Variants in TRUB1 observed in about 807,000 individuals in gnomAD.
TRUB1 encodes the protein pseudouridylate synthase TRUB1.
TRUB1 carries 23 observed loss-of-function variants against 33.9 expected under a neutral mutation model. That is an observed-to-expected ratio of 0.68 (90% CI 0.49 to 0.96). The LOEUF (loss-of-function observed/expected upper bound fraction) is 0.96. Ranked by LOEUF, TRUB1 falls within the 40% of genes least tolerant of loss-of-function variation. The pLI, the probability that TRUB1 is intolerant of heterozygous loss-of-function variation, is 0.00. For synonymous variants in TRUB1, 163 were observed against 165.4 expected, an observed-to-expected ratio of 0.99 and a Z score of 0.11; for missense variants, 378 against 422.2, an observed-to-expected ratio of 0.90 and a Z score of 0.92.
chr10:114,962,992 G>A (rs562514726), intron 4 of TRUB1, among the ~76,000 whole-genome samples: 4 of 152,292 alleles, frequency 2.6e-5, no homozygotes, highest in African/African-American at 7.2e-5. Context: ...ACTATTGCCA[G>A]TGTCTCTGAG....
chr10:114,942,575 C>G (rs1478365623), intron 1 of TRUB1, 70 bp from the exon 2 acceptor site: 12 of 1,068,432 alleles, frequency 1.1e-5, no homozygotes, highest in Middle Eastern at 2.0e-4. Flanking sequence ...CCCTTTTCCT[C>G]CCAAGTTTAT....
At chr10:114,947,447 AT>A (rs1457742249) in intron 2 of TRUB1, among the ~76,000 whole-genome samples, 1 of 152,192 alleles carries the variant, frequency 6.6e-6, no homozygotes, top group African/African-American at 2.4e-5. Context: ...TTTCAAAAAA[AT>A]TTTTTTAACT....
chr10:114,960,999 G>T lies in TRUB1; in HGVS notation c.523+1192G>T, dbSNP rs190162956. Among the ~76,000 whole-genome samples, 7 of 152,212 alleles carry T rather than the reference G, an allele frequency of 4.6e-5. No individual in the cohort carries two copies. The East Asian group carries it at 1.4e-3, about 29-fold the overall frequency. ...AATATAATTAAGGCTGGGGGGTGTG[G>T]GTACCACGTGGTGAAAAATATAAGG... On this transcript the variant is annotated intron_variant, in intron 4 of 7. Coordinates refer to ENST00000298746, the MANE Select transcript of TRUB1 (RefSeq NM_139169.5).
chr10:114,942,893 T>C (rs2084195047), intron 2 of TRUB1, 150 bp downstream of exon 2: 1 of 571,846 alleles, frequency 1.7e-6, no homozygotes, highest in Non-Finnish European at 3.1e-6. Context: ...TGCCATCTTT[T>C]AAAGAAGCCC....
At position 114,938,221 on chromosome 10, in the gene TRUB1, C is replaced by T. The variant is rs770463703; in HGVS notation, c.-33C>T. The T allele has an allele frequency of 7.5e-6, 12 of 1,605,848 alleles. No homozygotes were observed. The South Asian group carries it at 1.3e-4, about 18-fold the overall frequency. ...CTCTTGTTGCATCATCAGCGTGCAC[C>T]TCCACGATGAAACAGGTCTGGGCTA... On this transcript the variant is annotated 5_prime_UTR_variant, in exon 1 of 8. Transcript: ENST00000298746.
At chr10:114,944,940 G>C (rs1564697350) in intron 2 of TRUB1, among the ~76,000 whole-genome samples, 1 of 152,158 alleles carries the variant, frequency 6.6e-6, no homozygotes, top group Non-Finnish European at 1.5e-5. Flanking sequence ...ATCTGTGATT[G>C]CACCACTGCA....
intron 4 of TRUB1, among the ~76,000 whole-genome samples, chr10:114,963,708 A>G (rs1048968587): frequency 6.6e-6 from 1 of 152,222 alleles, no homozygotes; most frequent in African/African-American, 2.4e-5. Context: ...TTTAGTATAA[A>G]TGGAATTAAA....
At position 114,975,320 on chromosome 10, in the gene TRUB1, T is replaced by C; in HGVS notation, c.991T>C (p.Cys331Arg). 1 of 1,612,340 alleles carries C rather than the reference T, an allele frequency of 6.2e-7. No individual in the cohort carries two copies. Among genetic ancestry groups the C allele is most frequent in the Non-Finnish European group, 8.5e-7 (1 of 1,179,096 alleles). The change falls in exon 8 of 8, where the codon TGT (cysteine) becomes CGT (arginine). Residue 331 changes from cysteine to arginine, a missense_variant. Transcript: ENST00000298746. Reference protein sequence around the residue: ...KPESNEQVLSCEYITLNEPKR... With the variant: ...KPESNEQVLSREYITLNEPKR... ...TGAGTCTAATGAACAGGTTTTGAGC[T>C]GTGAATATATAACTCTAAATGAGCC...
intron 4 of TRUB1, among the ~76,000 whole-genome samples, chr10:114,961,354 T>C (rs2084284569): frequency 6.6e-6 from 1 of 152,160 alleles, no homozygotes. Flanking sequence ...TTTAGTTGAT[T>C]GGACAGGATA....
intron 4 of TRUB1, among the ~76,000 whole-genome samples, chr10:114,966,344 G>A (rs1452776080): frequency 1.3e-5 from 2 of 152,138 alleles, no homozygotes; most frequent in Admixed American, 6.5e-5. Flanking sequence ...TTCCATTGAT[G>A]TATTTATTTT....
rs373470450 is a variant in TRUB1, at chr10:114,970,586, G to C, written c.596+146G>C. ...GTGCCAAATGTTAAAGTGAAGGTGA[G>C]ACAGGATGTGGAGCTTTTGACACTC... On this transcript the variant is annotated intron_variant, in intron 5 of 7. Coordinates refer to ENST00000298746, the MANE Select transcript of TRUB1 (RefSeq NM_139169.5). The C allele has an allele frequency of 4.4e-4, 290 of 658,194 alleles. No homozygotes were observed. The African/African-American group carries it at 4.9e-3, about 11-fold the overall frequency. The allele number at this position is 658,194 out of a possible 1,614,324, so 40.8% of individuals were successfully genotyped here.
chr10:114,963,320 T>G (rs1027929863), intron 4 of TRUB1, among the ~76,000 whole-genome samples: 1 of 152,238 alleles, frequency 6.6e-6, no homozygotes, highest in Non-Finnish European at 1.5e-5. Context: ...CTGCTGAGAC[T>G]TATCCTGGAG....
At chr10:114,972,832 T>A in intron 6 of TRUB1, among the ~76,000 whole-genome samples, 1 of 152,210 alleles carries the variant, frequency 6.6e-6, no homozygotes, top group East Asian at 1.9e-4. Flanking sequence ...ACATTTTTAA[T>A]TCAAGTTATG....
chr10:114,961,145 G>T (rs1010705676), intron 4 of TRUB1, among the ~76,000 whole-genome samples: 2 of 152,006 alleles, frequency 1.3e-5, no homozygotes, highest in African/African-American at 4.8e-5. Context: ...TGACAATAAT[G>T]ATAGCAACCT....
At chr10:114,972,064 C>T (rs2084339077) in intron 5 of TRUB1, 71 bp from the exon 6 acceptor site, 1 of 1,547,630 alleles carries the variant, frequency 6.5e-7, no homozygotes, top group Non-Finnish European at 8.8e-7. Flanking sequence ...ATTATCATCT[C>T]CCAATCCTTC....
chr10:114,968,111 T>A (rs1487619495), intron 4 of TRUB1, among the ~76,000 whole-genome samples: 1 of 152,082 alleles, frequency 6.6e-6, no homozygotes, highest in Non-Finnish European at 1.5e-5. Context: ...AAATCAAATA[T>A]GTAGAAAGAA....
At chr10:114,960,961 G>A (rs2084282692) in intron 4 of TRUB1, among the ~76,000 whole-genome samples, 1 of 152,098 alleles carries the variant, frequency 6.6e-6, no homozygotes, top group Non-Finnish European at 1.5e-5. Flanking sequence ...ATTCAGAACA[G>A]TAGTCCTGGG....
At chr10:114,943,862 ACT>A (rs143517322) in intron 2 of TRUB1, among the ~76,000 whole-genome samples, 1,866 of 152,158 alleles carry the variant, frequency 0.012, 107 homozygotes, top group Admixed American at 0.1. Context: ...TCTGAGATCA[ACT>A]CTCTTGAGAA....
rs2084277042 is a variant in TRUB1, at chr10:114,959,715, C to T, written c.442-11C>T. ...CACGGCCCATTTTCTCTCTTGTTTC[C>T]CTTCCTCTAGAGATATACTGCCATT... is the stretch of plus-strand genomic sequence containing the variant. On this transcript the variant is annotated splice_polypyrimidine_tract_variant and intron_variant, in intron 3 of 7. Transcript: ENST00000298746. 6.3e-7 allele frequency: 1 copy of T among 1,586,696 alleles called. No homozygotes were observed. Among genetic ancestry groups the T allele is most frequent in the African/African-American group, 1.3e-5 (1 of 74,250 alleles).
Sources: gnomAD v4.1 joint callset for allele counts (sites outside exome capture counted in the v4.1 genomes callset) on GRCh38, gnomAD v4.1.1 for gene constraint, MANE v1.5 for transcripts, NCBI Gene and HGNC (gene_info 2026-07-23, HGNC 2026-07-21) for gene names.